RBFOX1: variants seen among roughly 807,000 people sequenced by gnomAD.
RBFOX1 encodes RNA binding protein fox-1 homolog 1.
Under a neutral mutation model 57.7 loss-of-function variants are expected in RBFOX1, and 8 were observed. That is an observed-to-expected ratio of 0.14 (90% CI 0.08 to 0.25). The LOEUF (loss-of-function observed/expected upper bound fraction) is 0.25. Ranked by LOEUF, RBFOX1 falls within the 10% of genes least tolerant of loss-of-function variation. The probability of loss-of-function intolerance (pLI) is 1.00; values close to 1 mark genes in which losing one functional copy is unlikely to be tolerated. For synonymous variants in RBFOX1, 326 were observed against 222.4 expected (o/e 1.47, Z -4.15); for missense variants, 611 against 548.5 (o/e 1.11, Z -1.14).
chr16:5,297,601 G>T (rs548274457), intron 1 of RBFOX1, among the ~76,000 whole-genome samples: 1 of 152,052 alleles, frequency 6.6e-6, no homozygotes, highest in Admixed American at 6.6e-5. Context: ...TTACTATTGA[G>T]TTGAGTTCTT....
chr16:6,323,109 G>C, intron 2 of RBFOX1, among the ~76,000 whole-genome samples: 1 of 152,180 alleles, frequency 6.6e-6, no homozygotes, highest in Non-Finnish European at 1.5e-5. Context: ...TGGGAGGAAA[G>C]AGAGAGAGAA....
rs146677849 is a variant in RBFOX1 at position 7,669,944 on chromosome 16, A to G, written c.930+4976A>G. ...CTGTGTTTGCAATGGGAGAGACAAG[A>G]TGTTGAGTGTTTTACCTGTATTACG... On this transcript the variant is annotated intron_variant, in intron 13 of 15. Coordinates refer to ENST00000550418, the MANE Select transcript of RBFOX1 (RefSeq NM_018723.4). Among the ~76,000 whole-genome samples the G allele has an allele frequency of 3.3e-5, 5 of 152,204 alleles. No homozygotes were observed. The East Asian group carries it at 9.7e-4, about 29-fold the overall frequency.
chr16:6,123,612 A>T (rs111339635), intron 1 of RBFOX1, among the ~76,000 whole-genome samples: 1 of 152,220 alleles, frequency 6.6e-6, no homozygotes, highest in Non-Finnish European at 1.5e-5. Context: ...AATGTACTCA[A>T]TGCCACTGAA....
chr16:7,125,712 A>G (rs1000329574), intron 4 of RBFOX1, among the ~76,000 whole-genome samples: 4 of 152,048 alleles, frequency 2.6e-5, no homozygotes, highest in Non-Finnish European at 5.9e-5. Context: ...TTTTAGACAG[A>G]TGCCTAAACT....
chr16:7,142,510 T>C (rs1313068373), intron 4 of RBFOX1, among the ~76,000 whole-genome samples: 10 of 152,190 alleles, frequency 6.6e-5, no homozygotes, highest in African/African-American at 2.4e-4. Flanking sequence ...TGAGTGTTTG[T>C]ATGGGCTCTT....
intron 1 of RBFOX1, among the ~76,000 whole-genome samples, chr16:6,176,719 C>T (rs1019159555): frequency 1.3e-5 from 2 of 151,306 alleles, no homozygotes; most frequent in African/African-American, 4.9e-5. Flanking sequence ...CCAATCTGAC[C>T]AAGATATTGT....
At chr16:5,402,281 C>T (rs2066738520) in intron 1 of RBFOX1, among the ~76,000 whole-genome samples, 2 of 152,156 alleles carry the variant, frequency 1.3e-5, no homozygotes, top group Non-Finnish European at 2.9e-5. Flanking sequence ...CTCCTCCTCG[C>T]CTCTATCATG....
At chr16:6,867,607 T>A (rs976057490) in intron 3 of RBFOX1, among the ~76,000 whole-genome samples, 1 of 152,058 alleles carries the variant, frequency 6.6e-6, no homozygotes, top group African/African-American at 2.4e-5. Context: ...TAATCCCAGC[T>A]ACTTGGGAGG....
At chr16:7,567,210 A>ATCCAT (rs1251424231) in intron 5 of RBFOX1, among the ~76,000 whole-genome samples, 1 of 100,946 alleles carries the variant, frequency 9.9e-6, no homozygotes, top group African/African-American at 3.5e-5. Context: ...TCCCTATATA[A>ATCCAT]ATATCCATAT....
At chr16:6,879,338 C>G (rs1211814172) in intron 3 of RBFOX1, among the ~76,000 whole-genome samples, 1 of 152,192 alleles carries the variant, frequency 6.6e-6, no homozygotes, top group Admixed American at 6.5e-5. Flanking sequence ...ACTTCAGACA[C>G]TCTGTCTCCT....
chr16:6,648,508 G>C (rs775601088), intron 2 of RBFOX1, among the ~76,000 whole-genome samples: 1 of 152,110 alleles, frequency 6.6e-6, no homozygotes, highest in Non-Finnish European at 1.5e-5. Flanking sequence ...CTAGTGCCGT[G>C]AGTCTAATGC....
Position 6,933,596 on chromosome 16 carries a change from C to A in RBFOX1, c.-15-118461C>A, listed in dbSNP as rs111436527. 6.4e-3 allele frequency among the ~76,000 whole-genome samples: 981 copies of A among 152,298 alleles called. 16 individuals are homozygous for A. The highest frequency in any genetic ancestry group is 0.022 in the African/African-American group (898 of 41,566). ...GGTGTGGTGGCAAGCACCTGTCATCCCAGCTACTCCGGAGGCTGAAGCAGA... is the reference window on the plus strand; with the variant it reads ...GGTGTGGTGGCAAGCACCTGTCATCACAGCTACTCCGGAGGCTGAAGCAGA... On this transcript the variant is annotated intron_variant, in intron 3 of 15. Coordinates refer to ENST00000550418, the MANE Select transcript of RBFOX1 (RefSeq NM_018723.4).
chr16:6,354,006 G>C (rs1424345246), intron 2 of RBFOX1, among the ~76,000 whole-genome samples: 9 of 152,098 alleles, frequency 5.9e-5, no homozygotes, highest in African/African-American at 2.2e-4. Context: ...GATCACCTGA[G>C]GTCAGGAGTT....
intron 3 of RBFOX1, among the ~76,000 whole-genome samples, chr16:6,693,685 CCAT>C (rs1568243422): frequency 4.6e-5 from 7 of 151,672 alleles, no homozygotes; most frequent in South Asian, 2.1e-4. Context: ...ACCATCACCA[CCAT>C]CATCATCACC....
chr16:7,103,207 T>C (rs2062996150), intron 4 of RBFOX1, among the ~76,000 whole-genome samples: 1 of 152,138 alleles, frequency 6.6e-6, no homozygotes, highest in Non-Finnish European at 1.5e-5. Context: ...AAAGAGGGGA[T>C]AAAAAACCAA....
chr16:6,216,746 C>T (rs1015433934), intron 1 of RBFOX1, among the ~76,000 whole-genome samples: 6 of 152,168 alleles, frequency 3.9e-5, no homozygotes, highest in African/African-American at 1.4e-4. Context: ...ATTTCCTCTG[C>T]CTACTCTGCC....
At chr16:6,505,139 C>A (rs906203211) in intron 2 of RBFOX1, among the ~76,000 whole-genome samples, 1 of 152,044 alleles carries the variant, frequency 6.6e-6, no homozygotes, top group African/African-American at 2.4e-5. Context: ...CTTCACCAGA[C>A]TTGGGGGTTT....
chr16:7,639,131 C>T (rs1443149655), intron 11 of RBFOX1, among the ~76,000 whole-genome samples: 1 of 152,146 alleles, frequency 6.6e-6, no homozygotes, highest in African/African-American at 2.4e-5. Flanking sequence ...TTTGCTTGCA[C>T]AATGATCAAA....
chr16:7,682,441 G>A (rs2075001848), intron 14 of RBFOX1, among the ~76,000 whole-genome samples: 2 of 151,976 alleles, frequency 1.3e-5, no homozygotes, highest in African/African-American at 4.8e-5. Flanking sequence ...GAAGCCACTT[G>A]CAAGTTTGAG....
Sources: allele counts gnomAD v4.1 joint callset (sites outside exome capture counted in the v4.1 genomes callset), GRCh38; gene constraint gnomAD v4.1.1; transcripts MANE v1.5; gene names NCBI Gene and HGNC (gene_info 2026-07-23, HGNC 2026-07-21).